Variants in PAK5 observed in about 807,000 individuals in gnomAD.
PAK5 encodes the protein p21 (RAC1) activated kinase 5, also known as serine/threonine-protein kinase PAK 5.
A neutral mutation model predicts 65.9 loss-of-function variants in PAK5; 16 were observed. The ratio of observed to expected loss-of-function variants is 0.24; its 90% CI spans 0.16 to 0.37. The LOEUF (loss-of-function observed/expected upper bound fraction) is 0.37, where lower values mean the gene tolerates loss of function less well. Among genes scored for constraint, PAK5 ranks in the 10% least tolerant of loss-of-function variants. The pLI, the probability that PAK5 is intolerant of heterozygous loss-of-function variation, is 1.00. For missense variants in PAK5, 785 were observed against 903.9 expected, an observed-to-expected ratio of 0.87 and a Z score of 1.69; for synonymous variants, 371 against 354.9, an observed-to-expected ratio of 1.05 and a Z score of -0.51.
chr20:9,741,870 G>GA (rs111246210), intron 1 of PAK5, among the ~76,000 whole-genome samples: 2,793 of 142,468 alleles, frequency 0.02, 54 homozygotes, highest in African/African-American at 0.049. Context: ...ATCTAGCAGA[G>GA]AAAAAAAAAA....
chr20:9,548,030 T>A (rs2045370372), intron 7 of PAK5, among the ~76,000 whole-genome samples: 1 of 152,214 alleles, frequency 6.6e-6, no homozygotes, highest in Admixed American at 6.5e-5. Context: ...ACACCCCATC[T>A]TCCTACTGCT....
chr20:9,542,991 T>C (rs535140988), intron 8 of PAK5, among the ~76,000 whole-genome samples: 1 of 152,352 alleles, frequency 6.6e-6, no homozygotes, highest in Admixed American at 6.5e-5. Context: ...TTTTACTCTG[T>C]AAACTTTAGT....
chr20:9,768,201 T>TA (rs1478071032), intron 1 of PAK5, among the ~76,000 whole-genome samples: 4 of 152,244 alleles, frequency 2.6e-5, no homozygotes, highest in African/African-American at 9.6e-5. Flanking sequence ...CACTTTTTTT[T>TA]AATCTAATTT....
intron 3 of PAK5, among the ~76,000 whole-genome samples, chr20:9,603,869 C>T (rs373766731): frequency 1.4e-4 from 21 of 152,086 alleles, no homozygotes; most frequent in Admixed American, 2.6e-4. Flanking sequence ...GAACCCAGGC[C>T]GTCTAGCTAC....
At chr20:9,761,869 A>G (rs967374739) in intron 1 of PAK5, among the ~76,000 whole-genome samples, 3 of 152,164 alleles carry the variant, frequency 2.0e-5, no homozygotes, top group African/African-American at 7.2e-5. Context: ...TAGAGTAGCC[A>G]TATAAAAAAT....
At chr20:9,624,660 G>A (rs2046818390) in intron 3 of PAK5, among the ~76,000 whole-genome samples, 1 of 151,894 alleles carries the variant, frequency 6.6e-6, no homozygotes, top group Admixed American at 6.6e-5. Flanking sequence ...GTGCTTTGTG[G>A]AAAGGCCCTG....
intron 2 of PAK5, among the ~76,000 whole-genome samples, chr20:9,707,685 C>T (rs1454436373): frequency 6.6e-6 from 1 of 152,130 alleles, no homozygotes; most frequent in Non-Finnish European, 1.5e-5. Context: ...TGCATCCTTA[C>T]ACTTATTCTC....
intron 2 of PAK5, among the ~76,000 whole-genome samples, chr20:9,704,697 C>T (rs1200787238): frequency 6.6e-6 from 1 of 151,986 alleles, no homozygotes; most frequent in South Asian, 2.1e-4. Flanking sequence ...AATATGAAAT[C>T]CAAAGGTGTG....
chr20:9,794,865 A>G (rs2049088428), intron 1 of PAK5, among the ~76,000 whole-genome samples: 1 of 152,050 alleles, frequency 6.6e-6, no homozygotes, highest in Non-Finnish European at 1.5e-5. Flanking sequence ...TCTTCAGTAT[A>G]TGAGATCCCC....
chr20:9,659,203 C>A (rs2047310738), intron 2 of PAK5, among the ~76,000 whole-genome samples: 1 of 152,200 alleles, frequency 6.6e-6, no homozygotes, highest in African/African-American at 2.4e-5. Flanking sequence ...ACTGGAAACA[C>A]TGTCAAGTTT....
intron 2 of PAK5, among the ~76,000 whole-genome samples, chr20:9,685,953 A>G (rs1271714822): frequency 3.3e-5 from 5 of 152,208 alleles, no homozygotes; most frequent in Admixed American, 2.6e-4. Context: ...CTTGATTAGC[A>G]AAGTGTTGCT....
chr20:9,573,722 G>T (rs779785026), intron 4 of PAK5, among the ~76,000 whole-genome samples: 13 of 152,170 alleles, frequency 8.5e-5, no homozygotes, highest in Admixed American at 7.9e-4. Flanking sequence ...CTGAGGGCAG[G>T]GGGGCCGTGG....
intron 3 of PAK5, among the ~76,000 whole-genome samples, chr20:9,631,453 G>A (rs2046920264): frequency 6.6e-6 from 1 of 152,174 alleles, no homozygotes; most frequent in Non-Finnish European, 1.5e-5. Context: ...CCTTGAAGAA[G>A]CAAGCTGTCA....
intron 3 of PAK5, among the ~76,000 whole-genome samples, chr20:9,593,705 G>A (rs1021731334): frequency 1.6e-4 from 25 of 152,174 alleles, no homozygotes; most frequent in African/African-American, 4.1e-4. Context: ...CTTTTGCACC[G>A]CAGAAACGCT....
intron 3 of PAK5, among the ~76,000 whole-genome samples, chr20:9,618,114 T>C (rs2046694201): frequency 6.6e-6 from 1 of 152,140 alleles, no homozygotes; most frequent in Non-Finnish European, 1.5e-5. Flanking sequence ...AGGCTTGTAA[T>C]GTGGCTCTCA....
intron 3 of PAK5, among the ~76,000 whole-genome samples, chr20:9,615,207 A>AT (rs1344694691): frequency 1.3e-5 from 2 of 152,146 alleles, no homozygotes; most frequent in African/African-American, 2.4e-5. Context: ...AGCACAGAGG[A>AT]TTTTTTAGGG....
At chr20:9,646,661 C>A (rs1217591457) in intron 2 of PAK5, among the ~76,000 whole-genome samples, 5 of 152,224 alleles carry the variant, frequency 3.3e-5, no homozygotes, top group African/African-American at 1.2e-4. Context: ...CTCTCCCACA[C>A]TGACTCTGGA....
chr20:9,646,020 T>G (rs1483280388), intron 2 of PAK5, among the ~76,000 whole-genome samples: 1 of 152,244 alleles, frequency 6.6e-6, no homozygotes, highest in Admixed American at 6.5e-5. Context: ...GGATGCTTCC[T>G]GCTTTTTCAT....
At chr20:9,718,881 T>C (rs2048181921) in intron 1 of PAK5, among the ~76,000 whole-genome samples, 1 of 152,142 alleles carries the variant, frequency 6.6e-6, no homozygotes, top group African/African-American at 2.4e-5. Context: ...GTACACAAAA[T>C]CATTCCATTA....
Sources: gnomAD v4.1 joint callset for allele counts (sites outside exome capture counted in the v4.1 genomes callset) on GRCh38, gnomAD v4.1.1 for gene constraint, MANE v1.5 for transcripts, NCBI Gene and HGNC (gene_info 2026-07-23, HGNC 2026-07-21) for gene names.